The following PCDHGA7 variants were observed in gnomAD, a reference collection of about 807,000 sequenced individuals.
PCDHGA7 encodes the protein protocadherin gamma-A7.
In PCDHGA7, 44 loss-of-function variants were observed where a neutral mutation model predicts 58.3. The observed-to-expected ratio is 0.75, with a 90% CI of 0.59 to 0.97. PCDHGA7 has a LOEUF of 0.97. PCDHGA7 is among the 50% of genes least tolerant of loss of function. PCDHGA7 has a pLI of 0.00. For synonymous variants in PCDHGA7, 516 were observed against 504.2 expected (o/e 1.02, Z -0.31); for missense variants, 1,266 against 1,188.7 (o/e 1.06, Z -0.96).
At chr5:141,488,239 G>A (rs576918071) in intron 1 of PCDHGA7, among the ~76,000 whole-genome samples, 3 of 152,222 alleles carry the variant, frequency 2.0e-5, no homozygotes, top group South Asian at 4.1e-4. Context: ...AACTAGATGC[G>A]GTAAATTGGA....
chr5:141,385,186 T>C lies in PCDHGA7; in HGVS notation c.2287T>C (p.Ser763Pro). ...YSHEVSLTAD[S>P]RKSHLIFPQP... ...CCATGAGGTCTCCCTCACCGCGGAC[T>C]CTCGGAAGAGTCACCTGATCTTCCC... Residue 763 changes from serine (S) to proline (P), a missense_variant, in exon 1 of 4, where the codon TCT becomes CCT. Physicochemically the swap from Ser to Pro is moderately conservative, Grantham distance 74 (BLOSUM62 -1). Coordinates refer to ENST00000518325, the MANE Select transcript of PCDHGA7 (RefSeq NM_018920.4). The C allele has an allele frequency of 6.2e-7, 1 of 1,614,218 alleles. No individual in the cohort carries two copies.
rs1342473418 is a variant in PCDHGA7, at chr5:141,477,702, A to G, written c.2425-17105A>G. On this transcript the variant is annotated intron_variant, in intron 1 of 3. Transcript: ENST00000518325. The surrounding 1 kb of genome is among the most constrained non-coding windows in gnomAD (Gnocchi z 4.9). Reference sequence around the variant, plus strand: ...TCCTTAGTGCCCCTAGACTATGAGGATCGGCGGGAATTTGAATTAACAGCT... The same window carrying G: ...TCCTTAGTGCCCCTAGACTATGAGGGTCGGCGGGAATTTGAATTAACAGCT... The G allele has an allele frequency of 1.9e-6, 3 of 1,613,924 alleles. No individual in the cohort carries two copies. Among genetic ancestry groups the G allele is most frequent in the Non-Finnish European group, 2.5e-6 (3 of 1,180,044 alleles).
intron 1 of PCDHGA7, chr5:141,395,266 T>C (rs1369566717): frequency 1.9e-6 from 3 of 1,548,854 alleles, no homozygotes; most frequent in Non-Finnish European, 8.7e-7. Context: ...TTGCTTTTAA[T>C]TTCCAGATGA....
At chr5:141,510,132 G>A (rs920772998) in intron 3 of PCDHGA7, among the ~76,000 whole-genome samples, 2 of 152,120 alleles carry the variant, frequency 1.3e-5, no homozygotes, top group African/African-American at 4.8e-5. Context: ...AAATTAGCTG[G>A]GCTAGTGGTG....
Position 141,511,066 on chromosome 5 carries a change from C to T in PCDHGA7, c.2692C>T (p.Pro898Ser). Residue 898 changes from proline to serine, a missense_variant, in exon 4 of 4, where the codon CCA (proline) becomes TCA (serine). Physicochemically the swap from Pro to Ser is moderately conservative, Grantham distance 74. Transcript: ENST00000518325. The part of the protein sequence containing the change: ...VPDYRQNVYI[P>S]GSNATLTNAA... ...CGACTACCGCCAGAATGTCTACATC[C>T]CAGGCAGCAATGCCACACTGACCAA... 1.2e-6 allele frequency: 2 copies of T among 1,614,230 alleles called. No individual in the cohort carries two copies. Among genetic ancestry groups the T allele is most frequent in the Non-Finnish European group, 1.7e-6 (2 of 1,180,036 alleles).
chr5:141,469,731 C>T (rs1332201791), intron 1 of PCDHGA7, among the ~76,000 whole-genome samples: 1 of 152,214 alleles, frequency 6.6e-6, no homozygotes, highest in Non-Finnish European at 1.5e-5. Context: ...ATCATAAATA[C>T]ACACCTCAAA....
At chr5:141,418,278 T>C (rs2096243624) in intron 1 of PCDHGA7, 1 of 1,613,954 alleles carries the variant, frequency 6.2e-7, no homozygotes, top group East Asian at 2.2e-5. Context: ...GAAATAAACT[T>C]AGAAATCAGT....
chr5:141,463,535 G>A (rs1178825067), intron 1 of PCDHGA7, among the ~76,000 whole-genome samples: 4 of 137,928 alleles, frequency 2.9e-5, no homozygotes, highest in East Asian at 2.3e-4. Context: ...TAGAAACTCC[G>A]GCTCCCGGGT....
rs1315773619 is a variant in PCDHGA7 at position 141,385,276 on chromosome 5, A to G, written c.2377A>G (p.Thr793Ala). The change falls in exon 1 of 4, where the codon ACA becomes GCA. Residue 793 changes from threonine (T) to alanine (A), a missense_variant. Thr to Ala is a moderately conservative substitution (Grantham distance 58). Coordinates refer to ENST00000518325, the MANE Select transcript of PCDHGA7 (RefSeq NM_018920.4). ...CTGTGAGAAAAATGATTCTTTGCTA[A>G]CATCCGTAGATTTTCAGGAATGTAA... is the stretch of plus-strand genomic sequence containing the variant. The part of the protein sequence containing the change: ...ESCEKNDSLL[T>A]SVDFQECKEN... 1 of 1,613,564 alleles carries G rather than the reference A, an allele frequency of 6.2e-7. No homozygotes were observed. The highest frequency in any genetic ancestry group is 1.7e-5 in the Admixed American group (1 of 60,022).
At chr5:141,415,083 G>T (rs747351388) in intron 1 of PCDHGA7, 1 of 1,613,514 alleles carries the variant, frequency 6.2e-7, no homozygotes. Context: ...CGCGAGCCCT[G>T]CTGGACAGAG....
intron 2 of PCDHGA7, among the ~76,000 whole-genome samples, chr5:141,500,184 TTTTATTTATTTATTTATTTA>T (rs58019021): frequency 1.5e-5 from 2 of 135,966 alleles, no homozygotes; most frequent in Non-Finnish European, 3.2e-5. Flanking sequence ...TCATTTTTAT[TTTTATTTATTTATTTATTTA>T]TTTATTTATT....
intron 1 of PCDHGA7, among the ~76,000 whole-genome samples, chr5:141,474,130 C>G (rs28684928): frequency 6.6e-6 from 1 of 152,160 alleles, no homozygotes; most frequent in Non-Finnish European, 1.5e-5. Context: ...TCTCAGAAAA[C>G]TACAGGCCTT....
chr5:141,431,389 G>T lies in PCDHGA7; in HGVS notation c.2424+46066G>T, dbSNP rs1213370298. 1 of 1,613,876 alleles carries T rather than the reference G, an allele frequency of 6.2e-7. No homozygotes were observed. Among genetic ancestry groups the T allele is most frequent in the Admixed American group, 1.7e-5 (1 of 60,028 alleles). On this transcript the variant is annotated intron_variant, in intron 1 of 3. Transcript: ENST00000518325. This position sits in a 1 kb window ranked among gnomAD's most constrained non-coding sequence, Gnocchi z 4.8. ...GCGAAGAAAAGGCTGCTCACCACCT[G>T]GTCCTTACGGCCTCCGACGGGGGCG...
At chr5:141,504,738 C>G (rs2099840693) in intron 2 of PCDHGA7, among the ~76,000 whole-genome samples, 1 of 151,874 alleles carries the variant, frequency 6.6e-6, no homozygotes, top group Non-Finnish European at 1.5e-5. Flanking sequence ...GCTTAGGAAG[C>G]CATTGAATTT....
chr5:141,486,371 G>T lies in PCDHGA7; in HGVS notation c.2425-8436G>T. 1.9e-6 allele frequency: 3 copies of T among 1,614,138 alleles called. No homozygotes were observed. The highest frequency in any genetic ancestry group is 2.5e-6 in the Non-Finnish European group (3 of 1,180,010). On this transcript the variant is annotated intron_variant, in intron 1 of 3. Coordinates refer to ENST00000518325, the MANE Select transcript of PCDHGA7 (RefSeq NM_018920.4). The surrounding 1 kb of genome is among the most constrained non-coding windows in gnomAD (Gnocchi z 5.0). ...CCACTTGCCATTTGCCCTCAAGTCT[G>T]CCTTCAGGAACCAGTTCTCCCTGGT...
intron 1 of PCDHGA7, among the ~76,000 whole-genome samples, chr5:141,482,329 T>C (rs1334833454): frequency 6.6e-6 from 1 of 152,160 alleles, no homozygotes; most frequent in Non-Finnish European, 1.5e-5. Context: ...ATAAAGAGAA[T>C]ATCTACTTTG....
At position 141,399,853 on chromosome 5, in the gene PCDHGA7, C is replaced by T. The variant is rs530551805; in HGVS notation, c.2424+14530C>T. 48 of 1,612,978 alleles carry T rather than the reference C, an allele frequency of 3.0e-5. 1 individual carries two copies. In the East Asian group the frequency reaches 9.4e-4, roughly 31 times the overall value. On this transcript the variant is annotated intron_variant, in intron 1 of 3. Transcript: ENST00000518325. ...CTCTGCGCTCTTCGATATGGTGCCGCGCGCTGCAGAGCCCGGCTACCTGGT... is the reference window on the plus strand; with the variant it reads ...CTCTGCGCTCTTCGATATGGTGCCGTGCGCTGCAGAGCCCGGCTACCTGGT...
intron 3 of PCDHGA7, among the ~76,000 whole-genome samples, chr5:141,509,700 TGGA>T (rs1407159498): frequency 6.6e-6 from 1 of 152,192 alleles, no homozygotes; most frequent in East Asian, 1.9e-4. Flanking sequence ...GACGTTGGAC[TGGA>T]GGTGCTGTCT....
In PCDHGA7 at chr5:141,413,451, C is replaced by T. The variant is rs1561742650; in HGVS notation, c.2424+28128C>T. 6.2e-6 allele frequency: 10 copies of T among 1,614,118 alleles called. No homozygotes were observed. The South Asian group carries it at 1.1e-4, about 18-fold the overall frequency. ...GCAGCGGCAGCTTGATCACCGCGGGCAGGATAGACCGGGAGGAGCTCTGCG... is the reference window on the plus strand; with the variant it reads ...GCAGCGGCAGCTTGATCACCGCGGGTAGGATAGACCGGGAGGAGCTCTGCG... On this transcript the variant is annotated intron_variant, in intron 1 of 3. Transcript: ENST00000518325.
Sources: gnomAD v4.1 joint callset for allele counts (sites outside exome capture counted in the v4.1 genomes callset) on GRCh38, gnomAD v4.1.1 for gene constraint, Gnocchi (gnomAD v3.1) non-coding constraint, MANE v1.5 for transcripts, NCBI Gene and HGNC (gene_info 2026-07-23, HGNC 2026-07-21) for gene names.